The following CDH13 variants were observed in gnomAD, a reference collection of about 807,000 sequenced individuals.
CDH13 encodes cadherin 13.
CDH13 carries 24 observed loss-of-function variants against 63.8 expected under a neutral mutation model. That is an observed-to-expected ratio of 0.38 (90% CI 0.27 to 0.53). CDH13 has a LOEUF of 0.53. Ranked by LOEUF, CDH13 falls within the 20% of genes least tolerant of loss-of-function variation. CDH13 has a pLI of 0.85. For synonymous variants in CDH13, 503 were observed against 355.3 expected (o/e 1.42, Z -4.67); for missense variants, 1,049 against 903.1 (o/e 1.16, Z -2.07).
chr16:83,187,051 A>G (rs984615659), intron 4 of CDH13, among the ~76,000 whole-genome samples: 5 of 152,142 alleles, frequency 3.3e-5, no homozygotes, highest in African/African-American at 1.2e-4. Context: ...GCTCACTGCA[A>G]CCTGCACCTC....
At chr16:83,417,552 C>G (rs17287025) in intron 6 of CDH13, among the ~76,000 whole-genome samples, 1 of 152,082 alleles carries the variant, frequency 6.6e-6, no homozygotes, top group Admixed American at 6.6e-5. Flanking sequence ...CATTTGGAAA[C>G]GAAAATAGAA....
intron 1 of CDH13, among the ~76,000 whole-genome samples, chr16:82,650,072 C>A (rs1379772347): frequency 6.6e-6 from 1 of 152,164 alleles, no homozygotes; most frequent in Non-Finnish European, 1.5e-5. Context: ...AAAGAATGTT[C>A]TCTGAGAAAG....
chr16:83,504,706 C>G (rs944771935), intron 7 of CDH13, among the ~76,000 whole-genome samples: 10 of 152,138 alleles, frequency 6.6e-5, no homozygotes, highest in Admixed American at 2.0e-4. Flanking sequence ...GACAGAGTGG[C>G]TCAGGCCCTG....
At chr16:83,299,677 A>G (rs559170895) in intron 5 of CDH13, among the ~76,000 whole-genome samples, 1 of 152,242 alleles carries the variant, frequency 6.6e-6, no homozygotes, top group African/African-American at 2.4e-5. Context: ...GATTCATGAT[A>G]AAAACCAAAC....
At chr16:83,413,121 A>C (rs1358754850) in intron 6 of CDH13, among the ~76,000 whole-genome samples, 1 of 152,198 alleles carries the variant, frequency 6.6e-6, no homozygotes, top group African/African-American at 2.4e-5. Flanking sequence ...GTCTGTATTT[A>C]ATTGGAAGTG....
Position 83,449,764 on chromosome 16 carries a change from C to G in CDH13, c.782-36713C>G, listed in dbSNP as rs574189364. On this transcript the variant is annotated intron_variant, in intron 6 of 13. Coordinates refer to ENST00000567109, the MANE Select transcript of CDH13 (RefSeq NM_001257.5). ...ATCTTGGACAAATCCTTTATCCTCA[C>G]TGCACCTTCGTTTTGTAAATAGGGA... 8.4e-4 allele frequency among the ~76,000 whole-genome samples: 128 copies of G among 152,314 alleles called. 1 individual carries two copies. Among genetic ancestry groups the G allele is most frequent in the Middle Eastern group, 6.8e-3 (2 of 294 alleles).
chr16:83,685,315 T>C (rs945965829), intron 10 of CDH13, among the ~76,000 whole-genome samples: 3 of 152,178 alleles, frequency 2.0e-5, no homozygotes, highest in Non-Finnish European at 4.4e-5. Context: ...CTTTCTGCCA[T>C]GAATGCCTTT....
chr16:82,762,644 G>A (rs887011021), intron 1 of CDH13, among the ~76,000 whole-genome samples: 5 of 152,134 alleles, frequency 3.3e-5, no homozygotes, highest in Non-Finnish European at 7.4e-5. Flanking sequence ...TTCCATGACT[G>A]TTTATTAAAA....
intron 2 of CDH13, among the ~76,000 whole-genome samples, chr16:82,989,239 G>A (rs1486371823): frequency 6.6e-6 from 1 of 152,148 alleles, no homozygotes; most frequent in East Asian, 1.9e-4. Context: ...GCTGTCTGTG[G>A]GGCCTATATT....
intron 8 of CDH13, among the ~76,000 whole-genome samples, chr16:83,670,074 A>C (rs1357832952): frequency 6.6e-6 from 1 of 152,216 alleles, no homozygotes; most frequent in African/African-American, 2.4e-5. Flanking sequence ...ACACAGGTAC[A>C]TCAAGGCTCC....
At chr16:83,292,503 A>G (rs556059672) in intron 5 of CDH13, among the ~76,000 whole-genome samples, 48 of 152,292 alleles carry the variant, frequency 3.2e-4, no homozygotes, top group African/African-American at 1.1e-3. Flanking sequence ...TTTGGGCCAC[A>G]GCGACAAAAA....
chr16:83,243,838 A>G (rs558165439), intron 5 of CDH13, among the ~76,000 whole-genome samples: 37 of 152,308 alleles, frequency 2.4e-4, no homozygotes, highest in African/African-American at 8.4e-4. Context: ...ATTTTACTGG[A>G]ATGGGCAACC....
intron 10 of CDH13, among the ~76,000 whole-genome samples, chr16:83,687,918 C>A (rs1904474909): frequency 6.6e-6 from 1 of 152,226 alleles, no homozygotes; most frequent in South Asian, 2.1e-4. Flanking sequence ...AAAACTACAA[C>A]TGCTTTGTCC....
chr16:83,531,687 C>A (rs1327878365), intron 7 of CDH13, among the ~76,000 whole-genome samples: 1 of 152,150 alleles, frequency 6.6e-6, no homozygotes, highest in Non-Finnish European at 1.5e-5. Flanking sequence ...TGTGATGTGG[C>A]CACTAACCCA....
At chr16:83,142,275 C>A (rs2036568396) in intron 4 of CDH13, among the ~76,000 whole-genome samples, 1 of 149,618 alleles carries the variant, frequency 6.7e-6, no homozygotes, top group African/African-American at 2.5e-5. Flanking sequence ...ATTCTCCTGT[C>A]TCAGCCTCCT....
At chr16:83,425,876 C>G (rs1476448500) in intron 6 of CDH13, among the ~76,000 whole-genome samples, 1 of 151,928 alleles carries the variant, frequency 6.6e-6, no homozygotes, top group Non-Finnish European at 1.5e-5. Flanking sequence ...TAATATGTGC[C>G]CAGCACTGTT....
chr16:83,071,759 A>T (rs1444216509), intron 3 of CDH13, among the ~76,000 whole-genome samples: 1 of 152,216 alleles, frequency 6.6e-6, no homozygotes, highest in African/African-American at 2.4e-5. Flanking sequence ...ACATTTAAAA[A>T]TACATAGCAT....
At chr16:83,184,117 C>T (rs915289953) in intron 4 of CDH13, among the ~76,000 whole-genome samples, 1 of 146,510 alleles carries the variant, frequency 6.8e-6, no homozygotes, top group African/African-American at 2.6e-5. Context: ...CACACACACA[C>T]ACACACACAT....
intron 2 of CDH13, among the ~76,000 whole-genome samples, chr16:82,866,377 C>CTTT (rs538206338): frequency 0.021 from 1,247 of 58,304 alleles, 127 homozygotes; most frequent in African/African-American, 0.031. Flanking sequence ...TTTTCTTCTT[C>CTTT]TTTTTTTTTT....
Sources: gnomAD v4.1 joint callset for allele counts (sites outside exome capture counted in the v4.1 genomes callset) on GRCh38, gnomAD v4.1.1 for gene constraint, MANE v1.5 for transcripts, NCBI Gene and HGNC (gene_info 2026-07-23, HGNC 2026-07-21) for gene names.